TMEM237: variants seen among roughly 807,000 people sequenced by gnomAD.
TMEM237 encodes amyotrophic lateral sclerosis 2 (juvenile) chromosome region, candidate 4.
TMEM237 carries 51 observed loss-of-function variants against 59.1 expected under a neutral mutation model. The ratio of observed to expected loss-of-function variants is 0.86; its 90% CI spans 0.69 to 1.09. The LOEUF is 1.09. Ranked by LOEUF, TMEM237 falls within the 50% of genes least tolerant of loss-of-function variation. The probability of loss-of-function intolerance (pLI) is 0.00; values close to 1 mark genes in which losing one functional copy is unlikely to be tolerated. For synonymous variants in TMEM237, 140 were observed against 166.1 expected (o/e 0.84, Z 1.21); for missense variants, 475 against 478.3 (o/e 0.99, Z 0.06).
chr2:201,643,274 G>GGGC lies in TMEM237; in HGVS notation c.42+84_42+85insGCC. On this transcript the variant is annotated intron_variant, in intron 1 of 12. Transcript: ENST00000409883. The surrounding 1 kb of genome is among the most constrained non-coding windows in gnomAD (Gnocchi z 4.3). Reference sequence around the variant, plus strand: ...CCTTAGTGATTCCCAGCTCGTTGGCGCCCCCCCACACACACCCACCCCCAC... The same window carrying GGGC: ...CCTTAGTGATTCCCAGCTCGTTGGCGGGCCCCCCCCACACACACCCACCCCCAC... The GGGC allele has an allele frequency of 3.3e-6, 4 of 1,206,716 alleles. No individual in the cohort carries two copies. The highest frequency in any genetic ancestry group is 1.5e-5 in the African/African-American group (1 of 65,464). The allele number at this position is 1,206,716 out of a possible 1,614,324, so 74.8% of individuals were successfully genotyped here. A position where few individuals can be genotyped will look rare whatever the true frequency, so the allele number is the denominator to read the frequency against.
In TMEM237 at chr2:201,624,059, T is replaced by C. The variant is rs1025413316; in HGVS notation, c.*196A>G. On this transcript the variant is annotated 3_prime_UTR_variant, in exon 13 of 13. Coordinates refer to ENST00000409883, the MANE Select transcript of TMEM237 (RefSeq NM_001044385.3). ...ATTATTCCCTTTGTCATTAAGATGA[T>C]AATGCTAGACAAATTAATGTTTAGA... 4 of 415,784 alleles carry C rather than the reference T, an allele frequency of 9.6e-6. No homozygotes were observed. The highest frequency in any genetic ancestry group is 6.1e-5 in the African/African-American group (3 of 48,846). 25.8% of individuals were successfully genotyped at this position (415,784 alleles called of 1,614,324 possible).
At chr2:201,630,233 C>T (rs902704476) in intron 7 of TMEM237, among the ~76,000 whole-genome samples, 9 of 152,086 alleles carry the variant, frequency 5.9e-5, no homozygotes, top group African/African-American at 1.9e-4. Flanking sequence ...AGTTTATATG[C>T]CTATACTATC....
chr2:201,624,316 A>G lies in TMEM237; in HGVS notation c.1166T>C (p.Met389Thr). The change falls in exon 13 of 13, where the codon ATG becomes ACG. Residue 389 changes from methionine (M) to threonine (T), a missense_variant. Coordinates refer to ENST00000409883, the MANE Select transcript of TMEM237 (RefSeq NM_001044385.3). ...ATATTCTTCCACCTCTGAGGAGAAC[A>G]TTAACTCTGGAGAAGAAAATGAACA... ...RPGMDLSEEL[M>T]FSSEVEEYPD... 6.2e-7 allele frequency: 1 copy of G among 1,610,774 alleles called. No individual in the cohort carries two copies. Among genetic ancestry groups the G allele is most frequent in the South Asian group, 1.1e-5 (1 of 90,576 alleles).
chr2:201,632,150 T>C lies in TMEM237; in HGVS notation c.454A>G (p.Ile152Val), dbSNP rs771052304. 2 of 1,613,958 alleles carry C rather than the reference T, an allele frequency of 1.2e-6. No homozygotes were observed. Among genetic ancestry groups the C allele is most frequent in the South Asian group, 2.2e-5 (2 of 91,084 alleles). ...ACAGTAGTTTGCTCATCAGTGATTATGTCTTCATCTTCTACTCCTAGCTCA... is the reference window on the plus strand; with the variant it reads ...ACAGTAGTTTGCTCATCAGTGATTACGTCTTCATCTTCTACTCCTAGCTCA... ...ANELGVEDEDIITDEQTTVEQ... is the reference protein window; with the variant it reads ...ANELGVEDEDVITDEQTTVEQ... The change falls in exon 7 of 13, where the codon ATA becomes GTA. Residue 152 changes from isoleucine to valine, a missense_variant. Ile to Val is a conservative substitution (Grantham distance 29). Transcript: ENST00000409883.
intron 3 of TMEM237, 138 bp downstream of exon 3, chr2:201,640,123 G>T: frequency 3.0e-6 from 2 of 664,220 alleles, no homozygotes; most frequent in Non-Finnish European, 4.7e-6. Context: ...TTAAATGGTA[G>T]TCATGGGAGA....
In TMEM237 at chr2:201,629,738, C is replaced by T. The variant is rs770053080; in HGVS notation, c.668G>A (p.Arg223Gln). The T allele has an allele frequency of 1.1e-5, 18 of 1,608,472 alleles. No individual in the cohort carries two copies. The highest frequency in any genetic ancestry group is 1.1e-5 in the Non-Finnish European group (13 of 1,178,736). Residue 223 changes from arginine (R) to glutamine (Q), a missense_variant, in exon 8 of 13, where the codon CGG (arginine) becomes CAG (glutamine). Coordinates refer to ENST00000409883, the MANE Select transcript of TMEM237 (RefSeq NM_001044385.3). ...CAACAAAAGCAGCCACCTGAAAGCC[C>T]GGTGCACTGTAAGTGCCACATCTCT... Reference protein sequence around the residue: ...TTRDVALTVHRAFRMIGLFSH... With the variant: ...TTRDVALTVHQAFRMIGLFSH...
In TMEM237 at chr2:201,629,786, T is replaced by G. The variant is rs1234264076; in HGVS notation, c.620A>C (p.Asp207Ala). The change falls in exon 8 of 13, where the codon GAC (aspartate) becomes GCC (alanine). Residue 207 changes from aspartate to alanine, a missense_variant. By Grantham distance (126) the Asp-to-Ala change is moderately radical. Transcript: ENST00000409883. The part of the protein sequence containing the change: ...KTTENIDVSM[D>A]VKPSWTTRDV... ...TCTGGTGGTCCAGGAAGGCTTCACG[T>G]CCATTGACACATCTATGTTTTCTGT... 2 of 1,613,694 alleles carry G rather than the reference T, an allele frequency of 1.2e-6. No homozygotes were observed. The highest frequency in any genetic ancestry group is 2.2e-5 in the East Asian group (1 of 44,858).
chr2:201,627,752 A>G (rs1449456967), intron 10 of TMEM237, among the ~76,000 whole-genome samples: 1 of 152,216 alleles, frequency 6.6e-6, no homozygotes, highest in Non-Finnish European at 1.5e-5. Context: ...AAATGATCAG[A>G]AAGATATAAA....
In TMEM237 at chr2:201,640,916, T is replaced by G. The variant is rs1433478535; in HGVS notation, c.51A>C (p.Pro17=). The change falls in exon 2 of 13, where the codon CCA becomes CCC. Residue 17 remains proline, a synonymous_variant. Coordinates refer to ENST00000409883, the MANE Select transcript of TMEM237 (RefSeq NM_001044385.3). The stretch of plus-strand genomic sequence containing the variant: ...ACCTTGGCACAGGTGGAAGAGCTCG[T>G]GGAGGACGCTGTGGCGGAAAAAATA... ...ARLEEGHLRP[P]RALPPVPSQD... 4.4e-6 allele frequency: 7 copies of G among 1,603,352 alleles called. No homozygotes were observed. In the African/African-American group the frequency reaches 9.4e-5, roughly 21 times the overall value.
At chr2:201,637,426 CCTTG>C (rs1687317922) in intron 4 of TMEM237, among the ~76,000 whole-genome samples, 1 of 152,152 alleles carries the variant, frequency 6.6e-6, no homozygotes, top group South Asian at 2.1e-4. Flanking sequence ...GCATTCCCTT[CCTTG>C]CTTGTCTTCT....
rs1432144338 is a variant in TMEM237 at position 201,643,473 on chromosome 2, C to T, written c.-73G>A. On this transcript the variant is annotated 5_prime_UTR_variant, in exon 1 of 13. Coordinates refer to ENST00000409883, the MANE Select transcript of TMEM237 (RefSeq NM_001044385.3). The surrounding 1 kb of genome is among the most constrained non-coding windows in gnomAD (Gnocchi z 4.3). ...GCCCAGCTCCCCGCGACGCAGCGGC[C>T]TCCGGGACCTGTGGGACGCCGGGGC... The T allele has an allele frequency of 4.6e-6, 6 of 1,310,158 alleles. No homozygotes were observed. The East Asian group carries it at 1.9e-4, about 41-fold the overall frequency. 81.2% of individuals were successfully genotyped at this position (1,310,158 alleles called of 1,614,324 possible). A position where few individuals can be genotyped will look rare whatever the true frequency, so the allele number is the denominator to read the frequency against.
rs190459294 is a variant in TMEM237 at position 201,629,152 on chromosome 2, A to C, written c.869+78T>G. 11 of 1,136,754 alleles carry C rather than the reference A, an allele frequency of 9.7e-6. No individual in the cohort carries two copies. In the Admixed American group the frequency reaches 1.1e-4, roughly 11 times the overall value. 70.4% of individuals were successfully genotyped at this position (1,136,754 alleles called of 1,614,324 possible). A position where few individuals can be genotyped will look rare whatever the true frequency, so the allele number is the denominator to read the frequency against. ...GATACTCTATAATTCTATTTTGAAAACTATCATGGTCAGTGACACATTTTG... is the reference window on the plus strand; with the variant it reads ...GATACTCTATAATTCTATTTTGAAACCTATCATGGTCAGTGACACATTTTG... On this transcript the variant is annotated intron_variant, in intron 9 of 12. Transcript: ENST00000409883.
In TMEM237 at chr2:201,629,240, C is replaced by A; in HGVS notation, c.859G>T (p.Ala287Ser). 1.3e-6 allele frequency: 2 copies of A among 1,563,048 alleles called. No homozygotes were observed. The highest frequency in any genetic ancestry group is 8.6e-7 in the Non-Finnish European group (1 of 1,161,186). Residue 287 changes from alanine (A) to serine (S), a missense_variant, in exon 9 of 13, where the codon GCT (alanine) becomes TCT (serine). Coordinates refer to ENST00000409883, the MANE Select transcript of TMEM237 (RefSeq NM_001044385.3). Reference protein sequence around the residue: ...YLLLALSTISAFDRIDFAKIS... With the variant: ...YLLLALSTISSFDRIDFAKIS... The stretch of plus-strand genomic sequence containing the variant: ...AGTCATAGGCATTACCTGTCAAAAG[C>A]TGAAATTGTACTCAGAGCCAAAAGC...
intron 1 of TMEM237, among the ~76,000 whole-genome samples, chr2:201,642,095 G>A (rs921331642): frequency 6.6e-6 from 1 of 152,180 alleles, no homozygotes; most frequent in South Asian, 2.1e-4. Flanking sequence ...AAGGTGGGGG[G>A]AACCCTTCTA....
chr2:201,642,668 C>G (rs748896432), intron 1 of TMEM237: 7 of 1,607,030 alleles, frequency 4.4e-6, no homozygotes, highest in African/African-American at 1.3e-5. Context: ...CCCCCAAGCA[C>G]CTGGCGCCCC....
In TMEM237 at chr2:201,643,275, C is replaced by G; in HGVS notation, c.42+84G>C. The G allele has an allele frequency of 5.1e-3, 5,038 of 985,158 alleles. No homozygotes were observed. Among genetic ancestry groups the G allele is most frequent in the Non-Finnish European group, 7.1e-3 (4,620 of 647,934 alleles). 61.0% of individuals were successfully genotyped at this position (985,158 alleles called of 1,614,324 possible). A position where few individuals can be genotyped will look rare whatever the true frequency, so the allele number is the denominator to read the frequency against. On this transcript the variant is annotated intron_variant, in intron 1 of 12. Transcript: ENST00000409883. This position sits in a 1 kb window ranked among gnomAD's most constrained non-coding sequence, Gnocchi z 4.3. Reference sequence around the variant, plus strand: ...CTTAGTGATTCCCAGCTCGTTGGCGCCCCCCCACACACACCCACCCCCACT... The same window carrying G: ...CTTAGTGATTCCCAGCTCGTTGGCGGCCCCCCACACACACCCACCCCCACT...
At chr2:201,634,018 G>GA (rs1687241665) in intron 5 of TMEM237, among the ~76,000 whole-genome samples, 2 of 152,214 alleles carry the variant, frequency 1.3e-5, no homozygotes, top group Non-Finnish European at 2.9e-5. Flanking sequence ...GCCCGGAAGG[G>GA]AAACAGATGT....
rs946836407 is a variant in TMEM237 at position 201,620,671 on chromosome 2, C to T, written c.*3584G>A. 1.3e-5 allele frequency: 2 copies of T among 152,182 alleles called. No individual in the cohort carries two copies. The highest frequency in any genetic ancestry group is 4.8e-5 in the African/African-American group (2 of 41,434). The allele number at this position is 152,182 out of a possible 1,614,324, so 9.4% of individuals were successfully genotyped here. A position where few individuals can be genotyped will look rare whatever the true frequency, so the allele number is the denominator to read the frequency against. On this transcript the variant is annotated 3_prime_UTR_variant, in exon 13 of 13. Transcript: ENST00000409883. ...CAGGGAGTTGCTGGGCAAATGTCCT[C>T]ATAGAAGTATTTTTTGTGTGTGTCA...
intron 6 of TMEM237, 37 bp from the exon 7 acceptor site, chr2:201,632,245 A>G: frequency 6.2e-7 from 1 of 1,607,916 alleles, no homozygotes; most frequent in African/African-American, 1.3e-5. Flanking sequence ...ATAGATGATT[A>G]TTGAATTTTT....
Sources: allele counts gnomAD v4.1 joint callset (sites outside exome capture counted in the v4.1 genomes callset), GRCh38; gene constraint gnomAD v4.1.1; non-coding constraint Gnocchi (gnomAD v3.1); transcripts MANE v1.5; gene names NCBI Gene and HGNC (gene_info 2026-07-23, HGNC 2026-07-21).